ARHGEF7: variants seen among roughly 807,000 people sequenced by gnomAD.
The protein encoded by ARHGEF7 is Rho guanine nucleotide exchange factor 7, also known as PAK-interacting exchange factor beta.
Under a neutral mutation model 109.8 loss-of-function variants are expected in ARHGEF7, and 33 were observed. The ratio of observed to expected loss-of-function variants is 0.30; its 90% CI spans 0.23 to 0.40. The LOEUF is 0.40. Ranked by LOEUF, ARHGEF7 falls within the 10% of genes least tolerant of loss-of-function variation. ARHGEF7 has a pLI of 1.00. For missense variants in ARHGEF7, 938 were observed against 1,098.5 expected (o/e 0.85, Z 2.07); for synonymous variants, 458 against 424.6 (o/e 1.08, Z -0.97).
intron 2 of ARHGEF7, among the ~76,000 whole-genome samples, chr13:111,180,502 T>A (rs766851912): frequency 1.4e-4 from 21 of 152,296 alleles, no homozygotes; most frequent in South Asian, 1.0e-3. Context: ...TGACAACAGC[T>A]TAGTAGTAAC....
intron 8 of ARHGEF7, among the ~76,000 whole-genome samples, chr13:111,262,097 TAA>T (rs2091154606): frequency 6.6e-6 from 1 of 151,956 alleles, no homozygotes; most frequent in Non-Finnish European, 1.5e-5. Flanking sequence ...AGAAGGAAAA[TAA>T]TAAAGATTAC....
chr13:111,263,691 A>G (rs183648587), intron 8 of ARHGEF7, among the ~76,000 whole-genome samples: 80 of 152,278 alleles, frequency 5.3e-4, no homozygotes, highest in Middle Eastern at 3.4e-3. Context: ...TGAGGCATGC[A>G]GGGTCCTGTC....
upstream of ARHGEF7, chr13:111,115,220 CGGGCCGGGCGG>C (rs2066653627): frequency 6.8e-6 from 1 of 146,828 alleles, no homozygotes; most frequent in Admixed American, 6.8e-5. Flanking sequence ...GGGCCGGGCG[CGGGCCGGGCGG>C]ACGGCCGCGT....
rs116895406 is a variant in ARHGEF7 at position 111,285,748 on chromosome 13, C to T, written c.1951-399C>T. ...CAACCTTAGTTTCCTCCTCTCTTTCCAGTTAGCTGTGCCAGGGGATAGGTC... is the reference window on the plus strand; with the variant it reads ...CAACCTTAGTTTCCTCCTCTCTTTCTAGTTAGCTGTGCCAGGGGATAGGTC... On this transcript the variant is annotated intron_variant, in intron 16 of 21. Transcript: ENST00000646102. Among the ~76,000 whole-genome samples the T allele has an allele frequency of 1.8e-4, 27 of 152,216 alleles. No individual in the cohort carries two copies. In the East Asian group the frequency reaches 5.0e-3, roughly 28 times the overall value.
intron 6 of ARHGEF7, among the ~76,000 whole-genome samples, chr13:111,238,442 A>G (rs1340412822): frequency 6.6e-6 from 1 of 152,194 alleles, no homozygotes; most frequent in Non-Finnish European, 1.5e-5. Context: ...TAAGAAGAGT[A>G]TTTAAGAGCA....
At chr13:111,206,334 A>G (rs547789591) in intron 3 of ARHGEF7, among the ~76,000 whole-genome samples, 1 of 152,072 alleles carries the variant, frequency 6.6e-6, no homozygotes, top group East Asian at 1.9e-4. Flanking sequence ...TCGGTGGTGC[A>G]GGGACTGTCC....
intron 2 of ARHGEF7, among the ~76,000 whole-genome samples, chr13:111,184,090 G>T (rs954045548): frequency 5.2e-4 from 79 of 152,170 alleles, no homozygotes; most frequent in Middle Eastern, 3.4e-3. Flanking sequence ...TGAATCACGG[G>T]TTGGTTTCCC....
intron 8 of ARHGEF7, among the ~76,000 whole-genome samples, chr13:111,256,052 C>T (rs992267728): frequency 1.3e-5 from 2 of 151,958 alleles, no homozygotes; most frequent in South Asian, 2.1e-4. Context: ...TATTTTTAAC[C>T]GCCAGCTAGT....
At chr13:111,249,386 C>T (rs1275280483) in intron 8 of ARHGEF7, among the ~76,000 whole-genome samples, 1 of 151,788 alleles carries the variant, frequency 6.6e-6, no homozygotes, top group African/African-American at 2.4e-5. Flanking sequence ...GTAACAGGAG[C>T]ATTTGTGCTT....
intron 2 of ARHGEF7, among the ~76,000 whole-genome samples, chr13:111,199,860 A>G (rs2081007118): frequency 6.6e-6 from 1 of 152,106 alleles, no homozygotes; most frequent in South Asian, 2.1e-4. Context: ...GCAGTGGGGA[A>G]CGGGCACCAG....
intron 20 of ARHGEF7, among the ~76,000 whole-genome samples, chr13:111,301,200 C>T (rs946094432): frequency 3.9e-5 from 6 of 152,166 alleles, no homozygotes; most frequent in East Asian, 1.9e-4. Context: ...CTGCCCGCCT[C>T]GGCCTCCCAA....
chr13:111,153,715 A>C, intron 1 of ARHGEF7, 190 bp from the exon 2 acceptor site: 1 of 1,321,528 alleles, frequency 7.6e-7, no homozygotes, highest in South Asian at 1.9e-5. Flanking sequence ...CGGAGGAAGA[A>C]AAAAGGGTGA....
Position 111,280,697 on chromosome 13 carries a change from C to T in ARHGEF7, c.1725+20C>T, listed in dbSNP as rs757586402. The T allele has an allele frequency of 4.0e-6, 6 of 1,505,444 alleles. No homozygotes were observed. In the South Asian group the frequency reaches 6.8e-5, roughly 17 times the overall value. The allele number at this position is 1,505,444 out of a possible 1,614,324, so 93.3% of individuals were successfully genotyped here. On this transcript the variant is annotated intron_variant, in intron 15 of 21. Coordinates refer to ENST00000646102, the MANE Select transcript of ARHGEF7 (RefSeq NM_001354046.2). ...CATACCGTAAGGACTTGGTGCTTCT[C>T]CTCCTTCCAGACTCCAGGCGTGGCA...
At chr13:111,286,822 T>C (rs2093039887) in intron 17 of ARHGEF7, among the ~76,000 whole-genome samples, 2 of 152,156 alleles carry the variant, frequency 1.3e-5, no homozygotes, top group African/African-American at 4.8e-5. Flanking sequence ...CAGAAGTAAG[T>C]GATTTTCCTG....
chr13:111,284,198 G>C (rs1443706012), intron 16 of ARHGEF7, among the ~76,000 whole-genome samples: 2 of 152,160 alleles, frequency 1.3e-5, no homozygotes, highest in Non-Finnish European at 2.9e-5. Context: ...GTGAGTGAGC[G>C]TGAGGATGGT....
At chr13:111,208,571 A>G (rs2082145881) in intron 3 of ARHGEF7, among the ~76,000 whole-genome samples, 1 of 152,148 alleles carries the variant, frequency 6.6e-6, no homozygotes, top group Non-Finnish European at 1.5e-5. Flanking sequence ...CCCTCCTTGT[A>G]TGAGAATTTC....
At chr13:111,142,288 C>T (rs1459355429) in intron 1 of ARHGEF7, among the ~76,000 whole-genome samples, 2 of 69,988 alleles carry the variant, frequency 2.9e-5, no homozygotes, top group Non-Finnish European at 6.2e-5. Context: ...TCAAGGACTT[C>T]GGCTTTTCCT....
intron 2 of ARHGEF7, among the ~76,000 whole-genome samples, chr13:111,191,659 T>C (rs1224722676): frequency 6.6e-6 from 1 of 150,876 alleles, no homozygotes; most frequent in Admixed American, 6.6e-5. Context: ...TAACAGAGAG[T>C]GGGTTGAGAG....
chr13:111,189,926 C>T lies in ARHGEF7; in HGVS notation c.253-15363C>T, dbSNP rs576061450. On this transcript the variant is annotated intron_variant, in intron 2 of 21. Coordinates refer to ENST00000646102, the MANE Select transcript of ARHGEF7 (RefSeq NM_001354046.2). ...GTCCCCACCCGACCCAGAAGCCCAG[C>T]TGGCTTCACCTCTCAATCCGCCCTC... 3.9e-5 allele frequency among the ~76,000 whole-genome samples: 6 copies of T among 152,344 alleles called. No homozygotes were observed. The East Asian group carries it at 1.2e-3, about 29-fold the overall frequency.
Sources: allele counts gnomAD v4.1 joint callset (sites outside exome capture counted in the v4.1 genomes callset), GRCh38; gene constraint gnomAD v4.1.1; transcripts MANE v1.5; gene names NCBI Gene and HGNC (gene_info 2026-07-23, HGNC 2026-07-21).